The following SLC37A1 variants were observed in gnomAD, a reference collection of about 807,000 sequenced individuals.
The protein encoded by SLC37A1 is solute carrier family 37 member 1.
A neutral mutation model predicts 75.3 loss-of-function variants in SLC37A1; 49 were observed. That is an observed-to-expected ratio of 0.65 (90% CI 0.52 to 0.83). The LOEUF is 0.83. SLC37A1 is among the 40% of genes least tolerant of loss of function. SLC37A1 has a pLI of 0.00. For synonymous variants in SLC37A1, 268 were observed against 292.1 expected, an observed-to-expected ratio of 0.92 and a Z score of 0.84; for missense variants, 566 against 695.0, an observed-to-expected ratio of 0.81 and a Z score of 2.09.
intron 2 of SLC37A1, chr21:42,502,863 G>C (rs1041536300): frequency 2.6e-5 from 4 of 152,180 alleles, no homozygotes; most frequent in African/African-American, 9.7e-5. Flanking sequence ...ACACATACCA[G>C]ATGCTCCAAT....
chr21:42,504,471 T>C (rs946790008), intron 2 of SLC37A1, among the ~76,000 whole-genome samples: 4 of 152,226 alleles, frequency 2.6e-5, no homozygotes, highest in African/African-American at 9.6e-5. Flanking sequence ...TCTCTATGTG[T>C]GTCATGATAT....
intron 2 of SLC37A1, among the ~76,000 whole-genome samples, chr21:42,507,707 G>T (rs1241098485): frequency 6.6e-6 from 1 of 152,170 alleles, no homozygotes; most frequent in African/African-American, 2.4e-5. Context: ...AGTGGAGCAG[G>T]CCTCACATAG....
At position 42,547,043 on chromosome 21, in the gene SLC37A1, C is replaced by T. The variant is rs2055425913; in HGVS notation, c.731-60C>T. The T allele has an allele frequency of 6.2e-7, 1 of 1,609,710 alleles. No homozygotes were observed. The highest frequency in any genetic ancestry group is 1.3e-5 in the African/African-American group (1 of 74,862). On this transcript the variant is annotated intron_variant, in intron 8 of 19. Coordinates refer to ENST00000352133, the MANE Select transcript of SLC37A1 (RefSeq NM_001320537.2). The surrounding 1 kb of genome is among the most constrained non-coding windows in gnomAD (Gnocchi z 6.1). ...GTTGCCCTGTCCTCGGGTTACGTAG[C>T]TTACTTGGCATTGCCATGGTGGTGG...
At chr21:42,557,081 C>T (rs2055709212) in intron 10 of SLC37A1, among the ~76,000 whole-genome samples, 1 of 152,228 alleles carries the variant, frequency 6.6e-6, no homozygotes, top group South Asian at 2.1e-4. Flanking sequence ...TACCTGAGGC[C>T]AAGTAGGTCT....
Position 42,547,211 on chromosome 21 carries a change from G to A in SLC37A1, c.768+71G>A. 6.4e-7 allele frequency: 1 copy of A among 1,559,382 alleles called. No homozygotes were observed. The highest frequency in any genetic ancestry group is 8.8e-7 in the Non-Finnish European group (1 of 1,130,444). On this transcript the variant is annotated intron_variant, in intron 9 of 19. Coordinates refer to ENST00000352133, the MANE Select transcript of SLC37A1 (RefSeq NM_001320537.2). This position sits in a 1 kb window ranked among gnomAD's most constrained non-coding sequence, Gnocchi z 6.1. ...CTGACCACTTCCCCAGCCTGCTCCTGCCTGTGCGGTGTCAGACAGAAACAC... is the reference window on the plus strand; with the variant it reads ...CTGACCACTTCCCCAGCCTGCTCCTACCTGTGCGGTGTCAGACAGAAACAC...
chr21:42,531,494 A>C (rs563208156), intron 3 of SLC37A1, among the ~76,000 whole-genome samples: 203 of 152,348 alleles, frequency 1.3e-3, no homozygotes, highest in African/African-American at 4.4e-3. Context: ...CTGATGTCAC[A>C]GGTTGATTTT....
At chr21:42,543,682 G>C in intron 8 of SLC37A1, 80 bp downstream of exon 8, 2 of 1,438,416 alleles carry the variant, frequency 1.4e-6, no homozygotes, top group Non-Finnish European at 1.9e-6. Context: ...GGGGGCGAGT[G>C]TGAGAGCTGC....
intron 6 of SLC37A1, among the ~76,000 whole-genome samples, chr21:42,541,294 G>T (rs1379720254): frequency 6.6e-6 from 1 of 152,208 alleles, no homozygotes; most frequent in Non-Finnish European, 1.5e-5. Context: ...ATAGGCCACG[G>T]ATCAGGACTA....
intron 16 of SLC37A1, 37 bp downstream of exon 16, chr21:42,567,095 A>C (rs750585567): frequency 1.9e-6 from 3 of 1,601,512 alleles, no homozygotes; most frequent in Non-Finnish European, 2.5e-6. Flanking sequence ...CCCTGTGGGC[A>C]CCCTGCCATG....
chr21:42,501,391 A>G (rs1336198776), intron 1 of SLC37A1, among the ~76,000 whole-genome samples: 1 of 152,152 alleles, frequency 6.6e-6, no homozygotes, highest in Admixed American at 6.5e-5. Context: ...TGGGGGGCAA[A>G]TTCTACATTA....
chr21:42,572,789 G>C (rs2147054254), intron 17 of SLC37A1, among the ~76,000 whole-genome samples: 1 of 109,900 alleles, frequency 9.1e-6, no homozygotes, highest in Middle Eastern at 4.2e-3. Context: ...GTGAGCTCTG[G>C]GAATGTTCTT....
intron 14 of SLC37A1, among the ~76,000 whole-genome samples, chr21:42,565,611 G>A (rs2055956198): frequency 6.6e-6 from 1 of 152,236 alleles, no homozygotes; most frequent in Non-Finnish European, 1.5e-5. Context: ...GACTTCCCCA[G>A]GTCGCCTGGG....
chr21:42,515,121 G>A (rs188073208), intron 1 of SLC37A1, among the ~76,000 whole-genome samples: 2 of 152,304 alleles, frequency 1.3e-5, no homozygotes, highest in South Asian at 2.1e-4. Flanking sequence ...GCAGGTAAGG[G>A]AGGTGGTGCA....
chr21:42,552,387 A>AT lies in SLC37A1; in HGVS notation c.769-1673dup. On this transcript the variant is annotated intron_variant, in intron 9 of 19. Coordinates refer to ENST00000352133, the MANE Select transcript of SLC37A1 (RefSeq NM_001320537.2). The surrounding 1 kb of genome is among the most constrained non-coding windows in gnomAD (Gnocchi z 4.2). Reference sequence around the variant, plus strand: ...AGATGGGAAGGTATTTCTCTCTTCTATTCAAGAAATCTGGAGAGAGCCAGC... The same window carrying AT: ...AGATGGGAAGGTATTTCTCTCTTCTATTTCAAGAAATCTGGAGAGAGCCAGC... 6.6e-6 allele frequency among the ~76,000 whole-genome samples: 1 copy of AT among 152,360 alleles called. No individual in the cohort carries two copies. Among genetic ancestry groups the AT allele is most frequent in the African/African-American group, 2.4e-5 (1 of 41,580 alleles).
chr21:42,580,334 C>G lies in SLC37A1; in HGVS notation c.1587-11C>G. Reference sequence around the variant, plus strand: ...CTGTTAGAGCAGCTCTTCTTTCAACCTTTCTTTCAGATTTAAGGAACAGTG... The same window carrying G: ...CTGTTAGAGCAGCTCTTCTTTCAACGTTTCTTTCAGATTTAAGGAACAGTG... On this transcript the variant is annotated splice_polypyrimidine_tract_variant and intron_variant, in intron 19 of 19. Coordinates refer to ENST00000352133, the MANE Select transcript of SLC37A1 (RefSeq NM_001320537.2). The G allele has an allele frequency of 6.2e-7, 1 of 1,612,524 alleles. No homozygotes were observed. The highest frequency in any genetic ancestry group is 1.1e-5 in the South Asian group (1 of 90,452).
upstream of SLC37A1, among the ~76,000 whole-genome samples, chr21:42,511,179 A>G (rs1032154815): frequency 2.6e-5 from 4 of 152,240 alleles, no homozygotes; most frequent in Non-Finnish European, 4.4e-5. Context: ...AATCAGTAAC[A>G]GGAGGAAAAT....
intron 11 of SLC37A1, chr21:42,561,796 C>CA: frequency 2.4e-6 from 1 of 413,210 alleles, no homozygotes; most frequent in Non-Finnish European, 4.4e-6. Context: ...GCCTGCACCC[C>CA]ATGTGACAGT....
rs2056040081 is a variant in SLC37A1, at chr21:42,568,520, G to C, written c.1423+82G>C. On this transcript the variant is annotated intron_variant, in intron 17 of 19. Coordinates refer to ENST00000352133, the MANE Select transcript of SLC37A1 (RefSeq NM_001320537.2). ...CACATGCTCGTGAACAGGTACCCAG[G>C]GTTCCAACTGCATCTATAACATTGG... 4 of 1,335,482 alleles carry C rather than the reference G, an allele frequency of 3.0e-6. No individual in the cohort carries two copies. The South Asian group carries it at 5.0e-5, about 17-fold the overall frequency. 82.7% of individuals were successfully genotyped at this position (1,335,482 alleles called of 1,614,324 possible). A position where few individuals can be genotyped will look rare whatever the true frequency, so the allele number is the denominator to read the frequency against.
intron 8 of SLC37A1, among the ~76,000 whole-genome samples, chr21:42,546,453 T>C (rs2055409313): frequency 2.0e-5 from 3 of 152,242 alleles, no homozygotes; most frequent in Admixed American, 2.0e-4. Flanking sequence ...CTGATGTGCT[T>C]TTCCTGGTTT....
Sources: allele counts gnomAD v4.1 joint callset (sites outside exome capture counted in the v4.1 genomes callset), GRCh38; gene constraint gnomAD v4.1.1; non-coding constraint Gnocchi (gnomAD v3.1); transcripts MANE v1.5; gene names NCBI Gene and HGNC (gene_info 2026-07-23, HGNC 2026-07-21).